The following TMPRSS15 variants were observed in gnomAD, a reference collection of about 807,000 sequenced individuals.
TMPRSS15 encodes enteropeptidase.
Under a neutral mutation model 125.3 loss-of-function variants are expected in TMPRSS15, and 128 were observed. That is an observed-to-expected ratio of 1.02 (90% CI 0.89 to 1.18). The LOEUF (loss-of-function observed/expected upper bound fraction) is 1.18, where lower values mean the gene tolerates loss of function less well. TMPRSS15 is among the 50% of genes most tolerant of loss of function. The pLI is 0.00. For synonymous variants in TMPRSS15, 446 were observed against 423.2 expected, an observed-to-expected ratio of 1.05 and a Z score of -0.66; for missense variants, 1,283 against 1,212.7, an observed-to-expected ratio of 1.06 and a Z score of -0.86.
At chr21:18,399,289 A>C (rs1341956919) in intron 1 of TMPRSS15, among the ~76,000 whole-genome samples, 2 of 152,082 alleles carry the variant, frequency 1.3e-5, no homozygotes, top group Non-Finnish European at 2.9e-5. Context: ...GAAATGACTG[A>C]CTCTACAACC....
chr21:18,437,792 G>T (rs1008743340), intron 1 of TMPRSS15, among the ~76,000 whole-genome samples: 10 of 152,270 alleles, frequency 6.6e-5, no homozygotes, highest in African/African-American at 2.4e-4. Flanking sequence ...TCTCACACCA[G>T]TTAGAATGGC....
intron 8 of TMPRSS15, among the ~76,000 whole-genome samples, chr21:18,357,802 C>T (rs1301437837): frequency 2.6e-5 from 4 of 151,570 alleles, no homozygotes; most frequent in South Asian, 2.1e-4. Context: ...AATAAACAAA[C>T]CTTGAGTTTC....
At chr21:18,337,035 CA>C (rs2075399110) in intron 13 of TMPRSS15, among the ~76,000 whole-genome samples, 1 of 152,196 alleles carries the variant, frequency 6.6e-6, no homozygotes, top group Non-Finnish European at 1.5e-5. Flanking sequence ...GTCACATCTA[CA>C]AAACTTTCCA....
At chr21:18,462,288 G>C (rs1978565251) in intron 1 of TMPRSS15, among the ~76,000 whole-genome samples, 1 of 152,010 alleles carries the variant, frequency 6.6e-6, no homozygotes, top group Non-Finnish European at 1.5e-5. Flanking sequence ...ACACAATGTG[G>C]TAAATTATAA....
At chr21:18,329,428 A>G (rs1197064399) in intron 14 of TMPRSS15, 134 bp from the exon 15 acceptor site, 1 of 854,044 alleles carries the variant, frequency 1.2e-6, no homozygotes, top group Non-Finnish European at 1.7e-6. Context: ...CAGTGTTTCA[A>G]GGTGTTTCTT....
At chr21:18,434,852 G>A (rs1185943178) in intron 1 of TMPRSS15, among the ~76,000 whole-genome samples, 2 of 148,238 alleles carry the variant, frequency 1.3e-5, no homozygotes, top group Non-Finnish European at 3.0e-5. Flanking sequence ...TCATGCATAA[G>A]TTATCTAGCC....
At chr21:18,470,741 G>GA (rs1978763364) in intron 1 of TMPRSS15, among the ~76,000 whole-genome samples, 1 of 151,780 alleles carries the variant, frequency 6.6e-6, no homozygotes, top group African/African-American at 2.4e-5. Context: ...AAGGAAATAT[G>GA]AAAAAATGGG....
intron 1 of TMPRSS15, among the ~76,000 whole-genome samples, chr21:18,442,058 T>C (rs2076243426): frequency 6.6e-6 from 1 of 152,188 alleles, no homozygotes; most frequent in Non-Finnish European, 1.5e-5. Flanking sequence ...AATCTCCTAC[T>C]CATTCCTCCT....
At chr21:18,405,007 C>T (rs1455026253), upstream of TMPRSS15, among the ~76,000 whole-genome samples, 3 of 151,964 alleles carry the variant, frequency 2.0e-5, no homozygotes, top group Admixed American at 1.3e-4. Flanking sequence ...TACAATAGGC[C>T]AGACCCTCTG....
intron 21 of TMPRSS15, among the ~76,000 whole-genome samples, chr21:18,293,443 A>G (rs914273568): frequency 2.6e-5 from 4 of 152,192 alleles, no homozygotes; most frequent in African/African-American, 9.6e-5. Context: ...TCACTGACAT[A>G]GGGACAGGAG....
chr21:18,335,280 T>G (rs1005223454), intron 13 of TMPRSS15, among the ~76,000 whole-genome samples: 1 of 152,206 alleles, frequency 6.6e-6, no homozygotes, highest in African/African-American at 2.4e-5. Context: ...ACTGGGTTTT[T>G]AAAAAAATCT....
chr21:18,444,145 A>T (rs2076249713), intron 1 of TMPRSS15, among the ~76,000 whole-genome samples: 1 of 152,174 alleles, frequency 6.6e-6, no homozygotes. Context: ...GTCCTACTTC[A>T]GCCTGAATTT....
intron 21 of TMPRSS15, among the ~76,000 whole-genome samples, chr21:18,293,641 T>C (rs371466657): frequency 1.2e-4 from 19 of 152,308 alleles, no homozygotes; most frequent in African/African-American, 4.3e-4. Flanking sequence ...TCCACTCTGT[T>C]CTCTCCTCTA....
intron 18 of TMPRSS15, among the ~76,000 whole-genome samples, chr21:18,305,378 C>T (rs1463915167): frequency 1.3e-5 from 2 of 151,790 alleles, no homozygotes; most frequent in African/African-American, 2.4e-5. Flanking sequence ...TTAGTAGAGA[C>T]GGGGTTTCAC....
intron 3 of TMPRSS15, among the ~76,000 whole-genome samples, chr21:18,396,808 G>GTCTGTCTGTCTGTCTGTCTGTCTGTCTA (rs1461927983): frequency 6.5e-5 from 7 of 107,882 alleles, no homozygotes; most frequent in East Asian, 2.9e-4. Flanking sequence ...CTGTCTGTCT[G>GTCTGTCTGTCTGTCTGTCTGTCTGTCTA]TCTATCTATC....
chr21:18,442,106 G>A (rs1217245347), intron 1 of TMPRSS15, among the ~76,000 whole-genome samples: 1 of 152,116 alleles, frequency 6.6e-6, no homozygotes, highest in Non-Finnish European at 1.5e-5. Context: ...TGTCCTTTGT[G>A]TTGTTAAAAT....
intron 1 of TMPRSS15, among the ~76,000 whole-genome samples, chr21:18,476,407 GAA>G (rs1978881426): frequency 1.3e-5 from 2 of 152,076 alleles, no homozygotes. Flanking sequence ...TTGTGCAAGA[GAA>G]ATATTTCTTT....
At chr21:18,321,657 C>T (rs1214396455) in intron 16 of TMPRSS15, among the ~76,000 whole-genome samples, 15 of 152,258 alleles carry the variant, frequency 9.9e-5, no homozygotes, top group Non-Finnish European at 1.5e-4. Flanking sequence ...GCCGCAAAAA[C>T]GATTTTTGTT....
chr21:18,280,667 T>C (rs2074687407), intron 22 of TMPRSS15, among the ~76,000 whole-genome samples: 1 of 151,850 alleles, frequency 6.6e-6, no homozygotes, highest in Admixed American at 6.6e-5. Flanking sequence ...CCACAGAACA[T>C]GTGTTCTTCT....
Sources: allele counts gnomAD v4.1 joint callset (sites outside exome capture counted in the v4.1 genomes callset), GRCh38; gene constraint gnomAD v4.1.1; transcripts MANE v1.5; gene names NCBI Gene and HGNC (gene_info 2026-07-23, HGNC 2026-07-21).